Variants in CPVL observed in about 807,000 individuals in gnomAD.
CPVL encodes probable serine carboxypeptidase CPVL.
A neutral mutation model predicts 63.7 loss-of-function variants in CPVL; 51 were observed. The observed-to-expected ratio is 0.80, with a 90% CI of 0.64 to 1.01. The LOEUF is 1.01. Among genes scored for constraint, CPVL ranks in the 50% least tolerant of loss-of-function variants. The pLI, the probability that CPVL is intolerant of heterozygous loss-of-function variation, is 0.00. For missense variants in CPVL, 530 were observed against 573.1 expected, an observed-to-expected ratio of 0.92 and a Z score of 0.77; for synonymous variants, 195 against 206.0, an observed-to-expected ratio of 0.95 and a Z score of 0.46.
chr7:29,039,597 A>G (rs1379413978), intron 11 of CPVL, among the ~76,000 whole-genome samples: 1 of 152,230 alleles, frequency 6.6e-6, no homozygotes, highest in Non-Finnish European at 1.5e-5. Context: ...ATGAAAGGCT[A>G]AGACTGAAAA....
chr7:29,139,060 G>A (rs1356395093), intron 1 of CPVL, among the ~76,000 whole-genome samples: 1 of 152,186 alleles, frequency 6.6e-6, no homozygotes, highest in Non-Finnish European at 1.5e-5. Context: ...GGTGTGCTGA[G>A]AAAAGGTAGA....
chr7:29,130,184 T>G (rs969332446), intron 1 of CPVL, among the ~76,000 whole-genome samples: 1 of 151,668 alleles, frequency 6.6e-6, no homozygotes, highest in Non-Finnish European at 1.5e-5. Flanking sequence ...ATGGAAGGAG[T>G]TGGGATGGAG....
At chr7:29,101,134 A>G (rs73684590) in intron 3 of CPVL, among the ~76,000 whole-genome samples, 3,148 of 152,266 alleles carry the variant, frequency 0.021, 91 homozygotes, top group African/African-American at 0.071. Context: ...GGAAAGAATA[A>G]AAGACTTCCT....
Position 29,160,062 on chromosome 7 carries a change from TAA to T in CPVL, c.-11+21226_-11+21227del, listed in dbSNP as rs1794969320. ...AATCTTCATTATTATCTTGCCTCAC[TAA>T]AAGTTAAACATTGTGTCCTTCTGGC... On this transcript the variant is annotated intron_variant, in intron 5 of 16. Coordinates refer to the CPVL transcript ENST00000409850. Among the ~76,000 whole-genome samples, 4 of 152,316 alleles carry T rather than the reference TAA, an allele frequency of 2.6e-5. No individual in the cohort carries two copies. The South Asian group carries it at 8.3e-4, about 32-fold the overall frequency.
chr7:29,022,553 T>C (rs1358266134), intron 12 of CPVL, among the ~76,000 whole-genome samples: 3 of 152,182 alleles, frequency 2.0e-5, no homozygotes, highest in Non-Finnish European at 2.9e-5. Context: ...ATGAACATTA[T>C]CCAGGAGTCT....
At chr7:29,040,717 G>A (rs1584070397) in intron 11 of CPVL, among the ~76,000 whole-genome samples, 1 of 152,242 alleles carries the variant, frequency 6.6e-6, no homozygotes, top group East Asian at 1.9e-4. Context: ...GTTTTGTCAA[G>A]ATGAATAAAG....
chr7:29,048,597 T>C (rs1173439369), intron 11 of CPVL, among the ~76,000 whole-genome samples: 2 of 152,046 alleles, frequency 1.3e-5, no homozygotes, highest in Non-Finnish European at 2.9e-5. Flanking sequence ...GGGATTTCAA[T>C]ACTCCACTGA....
chr7:29,027,606 G>T (rs757452646), intron 12 of CPVL, among the ~76,000 whole-genome samples: 37 of 152,198 alleles, frequency 2.4e-4, no homozygotes, highest in Non-Finnish European at 4.1e-4. Context: ...AACAATTTTA[G>T]AACTGATAAA....
chr7:29,035,335 TAAGAA>T (rs1271304896), intron 11 of CPVL, among the ~76,000 whole-genome samples: 3 of 152,148 alleles, frequency 2.0e-5, no homozygotes, highest in African/African-American at 4.8e-5. Flanking sequence ...AATTTTTCCT[TAAGAA>T]AAGAGCTAAA....
At chr7:29,181,357 A>G (rs1223999790) in exon 5 of CPVL, 1 of 152,220 alleles carries the variant, frequency 6.6e-6, no homozygotes, top group Non-Finnish European at 1.5e-5. Context: ...GGTGGCTCCT[A>G]GGGTTGTGCA....
intron 7 of CPVL, among the ~76,000 whole-genome samples, chr7:29,082,960 T>C (rs1206710023): frequency 6.6e-6 from 1 of 152,182 alleles, no homozygotes; most frequent in Admixed American, 6.5e-5. Context: ...TCCAGGGTTG[T>C]TGCCAAATAA....
intron 12 of CPVL, chr7:29,011,953 A>G (rs1157175613): frequency 6.6e-6 from 1 of 152,226 alleles, no homozygotes; most frequent in Middle Eastern, 3.2e-3. Context: ...TAATGGAAGG[A>G]AATGTGAAAT....
At chr7:29,091,565 T>A (rs1443689144) in intron 6 of CPVL, among the ~76,000 whole-genome samples, 1 of 152,136 alleles carries the variant, frequency 6.6e-6, no homozygotes, top group Non-Finnish European at 1.5e-5. Context: ...CCCGTCAGCA[T>A]CTTGGCAAAT....
At chr7:29,163,829 T>C (rs1444356497) in intron 5 of CPVL, among the ~76,000 whole-genome samples, 1 of 152,226 alleles carries the variant, frequency 6.6e-6, no homozygotes, top group Non-Finnish European at 1.5e-5. Context: ...ACTTTAAGAT[T>C]CATCTATGTT....
At position 29,092,688 on chromosome 7, in the gene CPVL, G is replaced by A; in HGVS notation, c.477C>T (p.Phe159=). The A allele has an allele frequency of 6.2e-7, 1 of 1,613,422 alleles. No homozygotes were observed. Among genetic ancestry groups the A allele is most frequent in the Non-Finnish European group, 8.5e-7 (1 of 1,179,378 alleles). Residue 159 remains phenylalanine (F), a synonymous_variant, in exon 6 of 13, where the codon TTC becomes TTT. Coordinates refer to ENST00000265394, the MANE Select transcript of CPVL (RefSeq NM_031311.5). Reference sequence around the variant, plus strand: ...ATCCGTGGGTATCATCAGTAAAACTGAAGCCTGTGCCCACCTGCAGGAGAA... The same window carrying A: ...ATCCGTGGGTATCATCAGTAAAACTAAAGCCTGTGCCCACCTGCAGGAGAA... ...LYIDNPVGTG[F]SFTDDTHGYA... is the part of the protein sequence containing the mutation.
At chr7:29,094,958 T>C (rs761666983) in intron 5 of CPVL, 126 bp downstream of exon 5, 7 of 724,354 alleles carry the variant, frequency 9.7e-6, no homozygotes, top group East Asian at 2.7e-5. Flanking sequence ...GTTTTAATTT[T>C]ACAGATTAAA....
intron 5 of CPVL, among the ~76,000 whole-genome samples, chr7:29,176,596 C>A (rs1797379157): frequency 6.6e-6 from 1 of 151,808 alleles, no homozygotes; most frequent in South Asian, 2.1e-4. Context: ...ACTAAGACAC[C>A]CTTACAAAGA....
chr7:29,138,595 G>C (rs575213896), intron 1 of CPVL, among the ~76,000 whole-genome samples: 1 of 152,230 alleles, frequency 6.6e-6, no homozygotes, highest in Non-Finnish European at 1.5e-5. Context: ...CCGAGAAAGA[G>C]AGAGACCCAG....
intron 7 of CPVL, among the ~76,000 whole-genome samples, chr7:29,084,759 T>C (rs1227779327): frequency 6.6e-6 from 1 of 152,224 alleles, no homozygotes; most frequent in Non-Finnish European, 1.5e-5. Flanking sequence ...AATAGAATTC[T>C]TTTAACTTTT....
Sources: allele counts gnomAD v4.1 joint callset (sites outside exome capture counted in the v4.1 genomes callset), GRCh38; gene constraint gnomAD v4.1.1; transcripts MANE v1.5; gene names NCBI Gene and HGNC (gene_info 2026-07-23, HGNC 2026-07-21).